PSPC1: variants seen among roughly 807,000 people sequenced by gnomAD.
The protein encoded by PSPC1 is paraspeckle protein 1.
In PSPC1, 14 loss-of-function variants were observed where a neutral mutation model predicts 51.6. The observed-to-expected ratio is 0.27, with a 90% CI of 0.18 to 0.42. PSPC1 has a LOEUF of 0.42. Among genes scored for constraint, PSPC1 ranks in the 10% least tolerant of loss-of-function variants. The probability of loss-of-function intolerance (pLI) is 1.00; values close to 1 mark genes in which losing one functional copy is unlikely to be tolerated. For synonymous variants in PSPC1, 193 were observed against 231.9 expected (o/e 0.83, Z 1.53); for missense variants, 406 against 701.1 (o/e 0.58, Z 4.75).
downstream of PSPC1, chr13:19,672,749 C>CTT (rs1298633067): frequency 5.8e-6 from 1 of 171,714 alleles, no homozygotes; most frequent in Non-Finnish European, 1.3e-5. Flanking sequence ...ACAAGAGAAT[C>CTT]TAAGATGTAG....
chr13:19,726,565 C>G (rs1162379391), intron 6 of PSPC1, among the ~76,000 whole-genome samples: 1 of 152,132 alleles, frequency 6.6e-6, no homozygotes, highest in Non-Finnish European at 1.5e-5. Context: ...GATCTAAGAA[C>G]CCACATTTTT....
chr13:19,743,848 C>T (rs1294623984), intron 4 of PSPC1, among the ~76,000 whole-genome samples: 1 of 152,152 alleles, frequency 6.6e-6, no homozygotes, highest in Non-Finnish European at 1.5e-5. Flanking sequence ...TGGCTCACAC[C>T]TGTAATCCCA....
intron 5 of PSPC1, among the ~76,000 whole-genome samples, chr13:19,733,785 A>AG (rs1566006222): frequency 7.2e-6 from 1 of 138,290 alleles, no homozygotes; most frequent in Non-Finnish European, 1.5e-5. Flanking sequence ...AAAGAAAAAA[A>AG]AATATATATA....
intron 1 of PSPC1, among the ~76,000 whole-genome samples, chr13:19,773,925 A>C (rs1888853392): frequency 6.6e-6 from 1 of 152,106 alleles, no homozygotes; most frequent in Non-Finnish European, 1.5e-5. Flanking sequence ...CCCAAAGTGT[A>C]AGATTACAGG....
chr13:19,762,172 G>A (rs562331231), intron 2 of PSPC1, among the ~76,000 whole-genome samples: 21 of 152,252 alleles, frequency 1.4e-4, no homozygotes, highest in African/African-American at 3.4e-4. Context: ...GAACTTAATC[G>A]ATACAAACAA....
chr13:19,742,260 CAA>C (rs36104148), intron 4 of PSPC1, among the ~76,000 whole-genome samples: 8 of 119,154 alleles, frequency 6.7e-5, no homozygotes, highest in Admixed American at 1.7e-4. Context: ...GACTCAATCT[CAA>C]AAAAAAAAAA....
At chr13:19,728,792 C>T (rs1401815229) in intron 6 of PSPC1, among the ~76,000 whole-genome samples, 2 of 152,110 alleles carry the variant, frequency 1.3e-5, no homozygotes, top group Admixed American at 1.3e-4. Flanking sequence ...CAGTGTTACA[C>T]AATTATCATA....
At chr13:19,707,357 A>G (rs947650479) in intron 7 of PSPC1, among the ~76,000 whole-genome samples, 3 of 152,232 alleles carry the variant, frequency 2.0e-5, no homozygotes, top group Non-Finnish European at 2.9e-5. Context: ...AAAGATATAA[A>G]AAATGTTAGC....
intron 7 of PSPC1, among the ~76,000 whole-genome samples, chr13:19,706,333 T>G (rs1274744002): frequency 2.1e-5 from 3 of 146,242 alleles, no homozygotes; most frequent in South Asian, 2.2e-4. Flanking sequence ...CTCATCTTAG[T>G]TTTTTTTTTT....
At chr13:19,759,288 G>A (rs370680458) in intron 3 of PSPC1, 35 bp downstream of exon 3, 9 of 1,499,338 alleles carry the variant, frequency 6.0e-6, no homozygotes, top group African/African-American at 4.1e-5. Flanking sequence ...ACCCTTAATA[G>A]TACAGACACA....
intron 6 of PSPC1, among the ~76,000 whole-genome samples, chr13:19,722,061 C>A (rs963953697): frequency 6.6e-6 from 1 of 152,010 alleles, no homozygotes; most frequent in African/African-American, 2.4e-5. Context: ...CTACTTAATT[C>A]TCTCAGTTTA....
intron 3 of PSPC1, 32 bp from the exon 4 acceptor site, chr13:19,751,499 T>C (rs761653268): frequency 4.5e-5 from 64 of 1,412,446 alleles, no homozygotes; most frequent in Non-Finnish European, 5.5e-5. Context: ...CAGAAATGTA[T>C]GCTTAAAAGG....
intron 6 of PSPC1, among the ~76,000 whole-genome samples, chr13:19,722,037 A>T (rs115962203): frequency 0.011 from 1,728 of 152,350 alleles, 31 homozygotes; most frequent in African/African-American, 0.038. Flanking sequence ...TTTGAAAAAC[A>T]AGACTTCAAA....
At chr13:19,755,638 T>A (rs1173875525) in intron 3 of PSPC1, among the ~76,000 whole-genome samples, 4 of 151,802 alleles carry the variant, frequency 2.6e-5, no homozygotes, top group African/African-American at 4.8e-5. Flanking sequence ...CTAATGCTAA[T>A]GCTTCCTCCC....
chr13:19,782,238 C>A lies in PSPC1; in HGVS notation c.372+148G>T. 3.1e-6 allele frequency: 4 copies of A among 1,296,084 alleles called. No individual in the cohort carries two copies. Among genetic ancestry groups the A allele is most frequent in the African/African-American group, 3.1e-5 (2 of 65,028 alleles). 80.3% of individuals were successfully genotyped at this position (1,296,084 alleles called of 1,614,324 possible). A position where few individuals can be genotyped will look rare whatever the true frequency, so the allele number is the denominator to read the frequency against. On this transcript the variant is annotated intron_variant, in intron 1 of 8. Coordinates refer to ENST00000338910, the MANE Select transcript of PSPC1 (RefSeq NM_001354909.2). The surrounding 1 kb of genome is among the most constrained non-coding windows in gnomAD (Gnocchi z 4.5). ...GGCGCCGAGCTGGGGAAGCGGCCAA[C>A]CCCGCACAGAGGAATCGATGAGGCC...
chr13:19,754,247 G>A (rs1470858681), intron 3 of PSPC1, among the ~76,000 whole-genome samples: 2 of 151,828 alleles, frequency 1.3e-5, no homozygotes, highest in Non-Finnish European at 2.9e-5. Flanking sequence ...ACCACACCCA[G>A]CTAATTTTTT....
chr13:19,677,610 C>T (rs1362872256), intron 7 of PSPC1: 3 of 371,198 alleles, frequency 8.1e-6, no homozygotes, highest in African/African-American at 6.5e-5. Flanking sequence ...GGGACCATTA[C>T]ATATCTTCAT....
chr13:19,761,265 G>A (rs1332977370), intron 2 of PSPC1, among the ~76,000 whole-genome samples: 2 of 152,148 alleles, frequency 1.3e-5, no homozygotes, highest in African/African-American at 2.4e-5. Flanking sequence ...GGTAATGAAA[G>A]ATATGACTAG....
At chr13:19,689,862 T>C (rs902984267) in intron 6 of PSPC1, among the ~76,000 whole-genome samples, 2 of 152,172 alleles carry the variant, frequency 1.3e-5, no homozygotes, top group African/African-American at 4.8e-5. Flanking sequence ...GCAATGTCGA[T>C]TTTACAGGTA....
Sources: gnomAD v4.1 joint callset for allele counts (sites outside exome capture counted in the v4.1 genomes callset) on GRCh38, gnomAD v4.1.1 for gene constraint, Gnocchi (gnomAD v3.1) non-coding constraint, MANE v1.5 for transcripts, NCBI Gene and HGNC (gene_info 2026-07-23, HGNC 2026-07-21) for gene names.